Variants in SYNE1 observed in about 807,000 individuals in gnomAD.
SYNE1 encodes the protein spectrin repeat containing nuclear envelope protein 1.
Under a neutral mutation model 1,111.0 loss-of-function variants are expected in SYNE1, and 616 were observed. The ratio of observed to expected loss-of-function variants is 0.55; its 90% CI spans 0.52 to 0.59. The LOEUF (loss-of-function observed/expected upper bound fraction) is 0.59. SYNE1 is among the 20% of genes least tolerant of loss of function. The pLI, the probability that SYNE1 is intolerant of heterozygous loss-of-function variation, is 0.00. For synonymous variants in SYNE1, 3,855 were observed against 3,825.8 expected (o/e 1.01, Z -0.28); for missense variants, 10,006 against 10,417.0 (o/e 0.96, Z 1.72).
intron 3 of SYNE1, among the ~76,000 whole-genome samples, chr6:152,552,057 T>C (rs546455857): frequency 2.6e-5 from 4 of 152,308 alleles, no homozygotes; most frequent in African/African-American, 9.6e-5. Context: ...ATAGAACCAC[T>C]TTATTTTAAC....
intron 3 of SYNE1, among the ~76,000 whole-genome samples, chr6:152,564,539 G>T (rs1008400544): frequency 2.0e-5 from 3 of 152,004 alleles, no homozygotes; most frequent in Non-Finnish European, 4.4e-5. Context: ...CTGGTCTTGA[G>T]CTCCTGAACT....
chr6:152,489,475 T>TG (rs57994985), intron 11 of SYNE1, among the ~76,000 whole-genome samples: 1 of 150,024 alleles, frequency 6.7e-6, no homozygotes, highest in Non-Finnish European at 1.5e-5. Context: ...TTTTTTTTTT[T>TG]CGTTAACCTC....
intron 125 of SYNE1, among the ~76,000 whole-genome samples, chr6:152,206,752 A>T (rs1482220164): frequency 1.3e-5 from 2 of 152,190 alleles, no homozygotes; most frequent in African/African-American, 4.8e-5. Context: ...GAGTGTGATC[A>T]GGAGTGGAGG....
chr6:152,281,801 T>G lies in SYNE1; in HGVS notation c.18381+6A>C. ...TTGACATATTCCTTTGAGACCATTT[T>G]GGTACCTGGCAGTCCATAAGCTGGG... On this transcript the variant is annotated splice_donor_region_variant and intron_variant, in intron 97 of 145. Transcript: ENST00000367255. 1 of 1,614,202 alleles carries G rather than the reference T, an allele frequency of 6.2e-7. No individual in the cohort carries two copies. Among genetic ancestry groups the G allele is most frequent in the Non-Finnish European group, 8.5e-7 (1 of 1,180,036 alleles).
intron 8 of SYNE1, 123 bp downstream of exon 8, chr6:152,510,070 G>T: frequency 1.0e-6 from 1 of 980,794 alleles, no homozygotes; most frequent in African/African-American, 1.6e-5. Flanking sequence ...AGTGAAATAA[G>T]CGCTAAAGCA....
chr6:152,216,412 G>C (rs2078678499), intron 121 of SYNE1, among the ~76,000 whole-genome samples: 4 of 152,194 alleles, frequency 2.6e-5, no homozygotes. Context: ...TCACTGGGGG[G>C]CCTGGTCCTG....
Position 152,331,310 on chromosome 6 carries a change from G to A in SYNE1, c.13375C>T (p.Leu4459Phe), listed in dbSNP as rs1180692276. The change falls in exon 78 of 146, where the codon CTC becomes TTC. Residue 4459 changes from leucine (L) to phenylalanine (F), a missense_variant. Coordinates refer to ENST00000367255, the MANE Select transcript of SYNE1 (RefSeq NM_182961.4). ...NKALSEKTQF[L>F]MAVFQATSQI... ...CTGGTGGCCTGGAACACTGCCATGA[G>A]AAACTGGGTTTTCTCGGACAAGGCT... 6 of 1,614,046 alleles carry A rather than the reference G, an allele frequency of 3.7e-6. No individual in the cohort carries two copies. Among genetic ancestry groups the A allele is most frequent in the South Asian group, 3.3e-5 (3 of 91,086 alleles).
intron 53 of SYNE1, among the ~76,000 whole-genome samples, 161 bp downstream of exon 53, chr6:152,390,119 G>A (rs1270232258): frequency 6.6e-6 from 1 of 152,130 alleles, no homozygotes; most frequent in African/African-American, 2.4e-5. Flanking sequence ...GCAAAAACCA[G>A]TCATCGCCCT....
intron 30 of SYNE1, among the ~76,000 whole-genome samples, chr6:152,442,904 C>T (rs544984089): frequency 6.6e-6 from 1 of 152,270 alleles, no homozygotes; most frequent in East Asian, 1.9e-4. Flanking sequence ...TATGATTGTG[C>T]CACTACACTC....
chr6:152,278,295 A>G lies in SYNE1; in HGVS notation c.18382-15T>C, dbSNP rs1177098137. ...ACCAGCATATTCTGCAGCAACAGAA[A>G]TAAGAATGAAACTCACACATCTCCC... On this transcript the variant is annotated splice_polypyrimidine_tract_variant and intron_variant, in intron 97 of 145. Coordinates refer to ENST00000367255, the MANE Select transcript of SYNE1 (RefSeq NM_182961.4). The G allele has an allele frequency of 2.5e-6, 4 of 1,613,676 alleles. No homozygotes were observed. The highest frequency in any genetic ancestry group is 1.3e-5 in the African/African-American group (1 of 74,934).
intron 105 of SYNE1, among the ~76,000 whole-genome samples, chr6:152,247,189 C>G (rs867230048): frequency 3.3e-5 from 5 of 152,174 alleles, no homozygotes; most frequent in South Asian, 2.1e-4. Flanking sequence ...TGGATTGGAA[C>G]AGCACAACTC....
Position 152,461,678 on chromosome 6 carries a change from G to C in SYNE1, c.2313C>G (p.His771Gln). The change falls in exon 21 of 146, where the codon CAC becomes CAG. Residue 771 changes from histidine (H) to glutamine (Q), a missense_variant. His to Gln is a conservative substitution (Grantham distance 24). Transcript: ENST00000367255. The stretch of plus-strand genomic sequence containing the variant: ...CTTGGGGGCTTTCTTTGGTAATGAG[G>C]TGTGCTGTCTTTGTAATTATCTTGT... Reference protein sequence around the residue: ...AQYKIITKTAHLITKESPQEE... With the variant: ...AQYKIITKTAQLITKESPQEE... The C allele has an allele frequency of 1.9e-6, 3 of 1,613,914 alleles. No homozygotes were observed. The highest frequency in any genetic ancestry group is 2.5e-6 in the Non-Finnish European group (3 of 1,179,934).
chr6:152,218,955 A>T, intron 120 of SYNE1, 48 bp downstream of exon 120: 1 of 1,576,028 alleles, frequency 6.3e-7, no homozygotes, highest in Non-Finnish European at 8.7e-7. Context: ...GTGCCCAGAT[A>T]TTAGAGAACA....
chr6:152,233,980 T>C lies in SYNE1; in HGVS notation c.20530-17A>G. 1.9e-6 allele frequency: 3 copies of C among 1,613,114 alleles called. No homozygotes were observed. The highest frequency in any genetic ancestry group is 2.5e-6 in the Non-Finnish European group (3 of 1,179,716). ...AGAAAACTCCTGAAACAAGTAGCGATGTTCAAATTAGGGTTAAATAGCTAG... is the reference window on the plus strand; with the variant it reads ...AGAAAACTCCTGAAACAAGTAGCGACGTTCAAATTAGGGTTAAATAGCTAG... On this transcript the variant is annotated splice_polypyrimidine_tract_variant and intron_variant, in intron 111 of 145. Transcript: ENST00000367255.
At chr6:152,133,197 C>A (rs1156931168) in intron 143 of SYNE1, 79 bp downstream of exon 143, 4 of 1,329,712 alleles carry the variant, frequency 3.0e-6, no homozygotes, top group South Asian at 2.4e-5. Context: ...TATTTAAAGT[C>A]TTTCTAAAAT....
chr6:152,534,427 A>G (rs1266149820), intron 4 of SYNE1, among the ~76,000 whole-genome samples: 3 of 152,042 alleles, frequency 2.0e-5, no homozygotes, highest in Non-Finnish European at 4.4e-5. Flanking sequence ...AATTTATTAG[A>G]ATGTTTAGGG....
At chr6:152,139,140 C>T (rs1250661838) in intron 140 of SYNE1, among the ~76,000 whole-genome samples, 1 of 152,120 alleles carries the variant, frequency 6.6e-6, no homozygotes. Context: ...ACAAAGAGTT[C>T]TTGTAGGTCC....
chr6:152,597,384 C>G (rs781021718), intron 3 of SYNE1, among the ~76,000 whole-genome samples: 18 of 152,088 alleles, frequency 1.2e-4, no homozygotes, highest in Non-Finnish European at 2.6e-4. Context: ...TTCAAGTGAT[C>G]CTTCTACCAC....
intron 130 of SYNE1, among the ~76,000 whole-genome samples, chr6:152,170,130 A>G (rs1169106071): frequency 6.6e-6 from 1 of 152,144 alleles, no homozygotes; most frequent in Non-Finnish European, 1.5e-5. Context: ...GGAGTTAAAA[A>G]ATTTGAAATT....
Sources: allele counts gnomAD v4.1 joint callset (sites outside exome capture counted in the v4.1 genomes callset), GRCh38; gene constraint gnomAD v4.1.1; transcripts MANE v1.5; gene names NCBI Gene and HGNC (gene_info 2026-07-23, HGNC 2026-07-21).